DGKH: variants seen among roughly 807,000 people sequenced by gnomAD.
DGKH encodes the protein diacylglycerol kinase eta.
A neutral mutation model predicts 159.3 loss-of-function variants in DGKH; 90 were observed. The ratio of observed to expected loss-of-function variants is 0.57; its 90% CI spans 0.48 to 0.67. The LOEUF is 0.67. DGKH is among the 30% of genes least tolerant of loss of function. The pLI is 0.00. For missense variants in DGKH, 1,181 were observed against 1,506.1 expected, an observed-to-expected ratio of 0.78 and a Z score of 3.57; for synonymous variants, 536 against 553.8, an observed-to-expected ratio of 0.97 and a Z score of 0.45.
chr13:42,243,726 T>C (rs1316170568), downstream of DGKH, among the ~76,000 whole-genome samples: 1 of 152,174 alleles, frequency 6.6e-6, no homozygotes, highest in Non-Finnish European at 1.5e-5. Flanking sequence ...GAGAGGACAG[T>C]GCAAGCAAAG....
At chr13:42,133,697 A>G (rs1306775212) in intron 3 of DGKH, among the ~76,000 whole-genome samples, 1 of 152,132 alleles carries the variant, frequency 6.6e-6, no homozygotes, top group East Asian at 1.9e-4. Flanking sequence ...CCCTGTCTCT[A>G]AAACAAAACA....
chr13:42,198,388 T>A, intron 17 of DGKH, 90 bp from the exon 18 acceptor site: 2 of 1,103,640 alleles, frequency 1.8e-6, no homozygotes, highest in Non-Finnish European at 2.7e-6. Flanking sequence ...CTTTTAAAAG[T>A]AAGATATTTG....
intron 1 of DGKH, among the ~76,000 whole-genome samples, chr13:42,086,374 C>G (rs950792177): frequency 2.0e-5 from 3 of 152,154 alleles, no homozygotes; most frequent in African/African-American, 7.2e-5. Flanking sequence ...TCTTACTTTG[C>G]TGTCTCTACA....
intron 21 of DGKH, 115 bp from the exon 22 acceptor site, chr13:42,208,844 C>CT (rs1957569097): frequency 9.7e-6 from 3 of 307,720 alleles, no homozygotes; most frequent in Admixed American, 1.1e-4. Flanking sequence ...ATAATATTTA[C>CT]TTAAATATAT....
Position 42,206,101 on chromosome 13 carries a change from C to A in DGKH, c.2556C>A (p.Ser852Arg). ...LQGIAVLNIP[S>R]YAGGTNFWGG... ...GCATAGCCGTGTTGAACATTCCCAG[C>A]TATGCTGGAGGCACTAACTTTTGGG... The change falls in exon 21 of 30, where the codon AGC (serine) becomes AGA (arginine). Residue 852 changes from serine (S) to arginine (R), a missense_variant. Coordinates refer to ENST00000337343, the MANE Select transcript of DGKH (RefSeq NM_178009.5). 2 of 1,463,834 alleles carry A rather than the reference C, an allele frequency of 1.4e-6. No homozygotes were observed. Among genetic ancestry groups the A allele is most frequent in the Non-Finnish European group, 9.1e-7 (1 of 1,099,340 alleles). 90.7% of individuals were successfully genotyped at this position (1,463,834 alleles called of 1,614,324 possible).
chr13:42,173,304 C>T (rs539748368), intron 11 of DGKH, among the ~76,000 whole-genome samples: 4 of 152,324 alleles, frequency 2.6e-5, no homozygotes, highest in African/African-American at 9.6e-5. Flanking sequence ...ACAATAATGT[C>T]CTGGCCCAAC....
chr13:42,090,712 A>G lies in DGKH; in HGVS notation c.193-36751A>G, dbSNP rs566925307. On this transcript the variant is annotated intron_variant, in intron 1 of 29. Transcript: ENST00000337343. ...CTGTATTGCAAAAGCATGAAGTTAG[A>G]CCCTTACTGCTATGATCTGAATGTT... is the stretch of plus-strand genomic sequence containing the variant. 1.4e-3 allele frequency among the ~76,000 whole-genome samples: 217 copies of G among 152,222 alleles called. 6 individuals carry two copies. In the South Asian group the frequency reaches 0.044, roughly 31 times the overall value.
intron 30 of DGKH, chr13:42,256,134 A>G: frequency 8.5e-7 from 1 of 1,172,214 alleles, no homozygotes; most frequent in Non-Finnish European, 1.3e-6. Context: ...ACTCAGTGTG[A>G]AGCAATGACC....
chr13:42,151,257 A>G (rs1204817544), intron 3 of DGKH, among the ~76,000 whole-genome samples: 6 of 151,910 alleles, frequency 3.9e-5, no homozygotes, highest in African/African-American at 1.5e-4. Context: ...AAATTAAGTA[A>G]TTTATCATCA....
chr13:42,164,485 G>A (rs9590672), intron 7 of DGKH, among the ~76,000 whole-genome samples: 35,602 of 152,046 alleles, frequency 0.23, 4,576 homozygotes, highest in Admixed American at 0.29. Context: ...CAAAGGTTTT[G>A]ATAAATACAG....
intron 3 of DGKH, among the ~76,000 whole-genome samples, chr13:42,149,613 C>T (rs2137925304): frequency 6.6e-6 from 1 of 152,330 alleles, no homozygotes; most frequent in East Asian, 1.9e-4. Context: ...CAATAGGTGA[C>T]CTTCTGCACT....
chr13:42,105,614 G>A (rs1450762838), intron 1 of DGKH, among the ~76,000 whole-genome samples: 1 of 152,194 alleles, frequency 6.6e-6, no homozygotes, highest in Admixed American at 6.5e-5. Flanking sequence ...AGTATTGTCT[G>A]AGTTGTCATA....
chr13:42,076,445 A>G (rs1006902739), intron 1 of DGKH, among the ~76,000 whole-genome samples: 1 of 152,222 alleles, frequency 6.6e-6, no homozygotes, highest in Non-Finnish European at 1.5e-5. Flanking sequence ...GGCCAATTGA[A>G]GAGAGAAAAG....
At position 42,165,381 on chromosome 13, in the gene DGKH, A is replaced by G. The variant is rs372920372; in HGVS notation, c.906A>G (p.Gln302=). The G allele has an allele frequency of 5.0e-6, 8 of 1,594,792 alleles. No homozygotes were observed. The African/African-American group carries it at 9.5e-5, about 19-fold the overall frequency. ...DLYHPICPLG[Q]CKVSIIPPIA... ...ACCATCCAATATGTCCACTTGGTCAATGTAAAGTATCTATCATACCTCCAA... is the reference window on the plus strand; with the variant it reads ...ACCATCCAATATGTCCACTTGGTCAGTGTAAAGTATCTATCATACCTCCAA... The change falls in exon 8 of 30, where the codon CAA becomes CAG. Residue 302 remains glutamine, a synonymous_variant. Transcript: ENST00000337343.
chr13:42,250,717 AG>A (rs1958614936), intron 29 of DGKH, among the ~76,000 whole-genome samples: 1 of 152,252 alleles, frequency 6.6e-6, no homozygotes, highest in Non-Finnish European at 1.5e-5. Flanking sequence ...AAAGGACAGA[AG>A]CCAGTGCCCA....
intron 16 of DGKH, among the ~76,000 whole-genome samples, chr13:42,192,552 C>G (rs1957102409): frequency 6.6e-6 from 1 of 151,278 alleles, no homozygotes; most frequent in Non-Finnish European, 1.5e-5. Flanking sequence ...TCTCCTCCTC[C>G]TCCTCCCTTC....
intron 1 of DGKH, among the ~76,000 whole-genome samples, chr13:42,049,734 C>T (rs891498579): frequency 2.0e-5 from 3 of 152,220 alleles, no homozygotes; most frequent in African/African-American, 7.2e-5. Context: ...GCTGTGTGGA[C>T]ATTAGGATGG....
intron 27 of DGKH, 130 bp from the exon 28 acceptor site, chr13:42,219,556 T>A (rs1957912159): frequency 8.3e-7 from 1 of 1,199,782 alleles, no homozygotes; most frequent in Non-Finnish European, 1.2e-6. Flanking sequence ...GTGAACTTTT[T>A]TTGAAGAAGT....
At chr13:42,086,538 A>G (rs1954305109) in intron 1 of DGKH, among the ~76,000 whole-genome samples, 3 of 152,256 alleles carry the variant, frequency 2.0e-5, no homozygotes, top group African/African-American at 7.2e-5. Flanking sequence ...AACAACAAAA[A>G]TCAGTTATAA....
Sources: allele counts gnomAD v4.1 joint callset (sites outside exome capture counted in the v4.1 genomes callset), GRCh38; gene constraint gnomAD v4.1.1; transcripts MANE v1.5; gene names NCBI Gene and HGNC (gene_info 2026-07-23, HGNC 2026-07-21).